Variants in PAM observed in about 807,000 individuals in gnomAD.
The protein encoded by PAM is peptidylglycine alpha-amidating monooxygenase, also known as peptidyl-glycine alpha-amidating monooxygenase.
In PAM, 72 loss-of-function variants were observed where a neutral mutation model predicts 122.1. The observed-to-expected ratio is 0.59, with a 90% CI of 0.49 to 0.72. PAM has a LOEUF of 0.72. Among genes scored for constraint, PAM ranks in the 30% least tolerant of loss-of-function variants. PAM has a pLI of 0.00. For synonymous variants in PAM, 389 were observed against 404.4 expected (o/e 0.96, Z 0.46); for missense variants, 1,106 against 1,183.7 (o/e 0.93, Z 0.96).
At chr5:103,020,018 T>A (rs1309976636) in intron 23 of PAM, among the ~76,000 whole-genome samples, 175 bp downstream of exon 23, 1 of 152,198 alleles carries the variant, frequency 6.6e-6, no homozygotes, top group East Asian at 1.9e-4. Flanking sequence ...TTCCCTTTTT[T>A]TTTGATAAAT....
intron 1 of PAM, among the ~76,000 whole-genome samples, chr5:102,785,978 A>G (rs1018038762): frequency 7.2e-5 from 11 of 152,360 alleles, no homozygotes; most frequent in Admixed American, 7.2e-4. Context: ...ATAATCTCTT[A>G]CATTGGATCA....
At chr5:102,850,036 C>T (rs1426778385) in intron 1 of PAM, among the ~76,000 whole-genome samples, 1 of 152,012 alleles carries the variant, frequency 6.6e-6, no homozygotes, top group East Asian at 1.9e-4. Context: ...ATTTGGTATG[C>T]GCCATTTTCC....
At chr5:102,900,243 ATG>A (rs1171462303) in intron 3 of PAM, among the ~76,000 whole-genome samples, 1,465 of 43,882 alleles carry the variant, frequency 0.033, 16 homozygotes, top group Non-Finnish European at 0.044. Flanking sequence ...AGGTCTCTTA[ATG>A]TGTGTGTGTG....
chr5:103,028,081 T>TAAA lies in PAM; in HGVS notation c.2690-104_2690-103insAAA. 5 of 853,706 alleles carry TAAA rather than the reference T, an allele frequency of 5.9e-6. No individual in the cohort carries two copies. In the East Asian group the frequency reaches 1.2e-4, roughly 21 times the overall value. The allele number at this position is 853,706 out of a possible 1,614,324, so 52.9% of individuals were successfully genotyped here. On this transcript the variant is annotated intron_variant, in intron 24 of 25. Coordinates refer to ENST00000438793, the MANE Select transcript of PAM (RefSeq NM_001177306.2). ...ATTGCATACAGACAAGAGCCAGGCCTTGCTTTATCATTTACCAGTTCCTAT... is the reference window on the plus strand; with the variant it reads ...ATTGCATACAGACAAGAGCCAGGCCTAAATGCTTTATCATTTACCAGTTCCTAT...
At chr5:102,768,519 G>T (rs554515302) in intron 1 of PAM, among the ~76,000 whole-genome samples, 16 of 151,668 alleles carry the variant, frequency 1.1e-4, no homozygotes, top group African/African-American at 3.6e-4. Context: ...TCTGGTAACC[G>T]TCATTCTACT....
intron 1 of PAM, among the ~76,000 whole-genome samples, chr5:102,803,077 A>C (rs2150111255): frequency 6.6e-6 from 1 of 151,714 alleles, no homozygotes; most frequent in South Asian, 2.1e-4. Context: ...GTGCTGTAAT[A>C]GTGCCATTGC....
At chr5:102,920,924 T>C (rs1225884836) in intron 5 of PAM, among the ~76,000 whole-genome samples, 3 of 152,050 alleles carry the variant, frequency 2.0e-5, no homozygotes, top group Non-Finnish European at 4.4e-5. Context: ...TCATGCTGTA[T>C]TTGGATAATT....
chr5:102,948,416 T>C lies in PAM; in HGVS notation c.614T>C (p.Val205Ala). ...GCTGGCATGTACCTTATGATGTCTG[T>C]TGACACTGTTATCCCAGCAGGAGAA... is the stretch of plus-strand genomic sequence containing the variant. ...LIAGMYLMMS[V>A]DTVIPAGEKV... The change falls in exon 9 of 26, where the codon GTT (valine) becomes GCT (alanine). Residue 205 changes from valine (V) to alanine (A), a missense_variant. By Grantham distance (64) the Val-to-Ala change is moderately conservative. Transcript: ENST00000438793. The C allele has an allele frequency of 6.3e-7, 1 of 1,588,292 alleles. No individual in the cohort carries two copies. Among genetic ancestry groups the C allele is most frequent in the Non-Finnish European group, 8.6e-7 (1 of 1,158,210 alleles).
chr5:102,996,525 G>A (rs1267672410), intron 16 of PAM, among the ~76,000 whole-genome samples: 1 of 152,100 alleles, frequency 6.6e-6, no homozygotes, highest in Non-Finnish European at 1.5e-5. Flanking sequence ...AGTTTAACAT[G>A]TGTGTTTGGA....
At chr5:103,014,421 A>G (rs1475237690) in intron 21 of PAM, among the ~76,000 whole-genome samples, 1 of 152,228 alleles carries the variant, frequency 6.6e-6, no homozygotes, top group Non-Finnish European at 1.5e-5. Flanking sequence ...TTCAGTAAAC[A>G]AGACTTGATA....
intron 5 of PAM, among the ~76,000 whole-genome samples, chr5:102,916,196 T>G (rs1275152646): frequency 2.0e-5 from 3 of 152,094 alleles, no homozygotes; most frequent in South Asian, 2.1e-4. Flanking sequence ...CTCTCTATGC[T>G]CTAAAATTCC....
chr5:103,024,798 C>T (rs891061458), intron 23 of PAM, among the ~76,000 whole-genome samples: 4 of 152,038 alleles, frequency 2.6e-5, no homozygotes, highest in African/African-American at 7.2e-5. Flanking sequence ...CCAGTATGCA[C>T]ACCAGTTCTT....
At chr5:102,884,519 T>C (rs1464801456) in intron 3 of PAM, among the ~76,000 whole-genome samples, 1 of 151,950 alleles carries the variant, frequency 6.6e-6, no homozygotes, top group Non-Finnish European at 1.5e-5. Context: ...CTGAAGATAT[T>C]TGTGGAAGGC....
intron 3 of PAM, among the ~76,000 whole-genome samples, chr5:102,886,581 T>C (rs909552540): frequency 6.6e-6 from 1 of 152,012 alleles, no homozygotes; most frequent in African/African-American, 2.4e-5. Flanking sequence ...TCTGTAAACC[T>C]ACCTGACCCT....
intron 15 of PAM, among the ~76,000 whole-genome samples, chr5:102,984,690 A>T (rs1771143927): frequency 1.3e-5 from 2 of 152,166 alleles, no homozygotes; most frequent in South Asian, 4.1e-4. Context: ...ATGTAGACAG[A>T]AAATAAACAT....
chr5:102,901,327 TTTGGA>T, intron 3 of PAM, 24 bp from the exon 4 acceptor site: 1 of 1,344,440 alleles, frequency 7.4e-7, no homozygotes, highest in South Asian at 1.2e-5. Flanking sequence ...AACAGTTTAA[TTTGGA>T]TTTTTTAATC....
In PAM at chr5:102,866,187, G is replaced by T. The variant is rs1247925937; in HGVS notation, c.-9G>T. ...GGTCCTCTCCCGGCGGGGTCGTATC[G>T]GCGTGGACATGGCTGGCCGCGTCCC... On this transcript the variant is annotated 5_prime_UTR_variant, in exon 2 of 26. Transcript: ENST00000438793. 2 of 1,606,026 alleles carry T rather than the reference G, an allele frequency of 1.2e-6. No homozygotes were observed. The highest frequency in any genetic ancestry group is 1.1e-5 in the South Asian group (1 of 90,902).
chr5:103,000,146 A>G (rs1169139703), intron 16 of PAM, among the ~76,000 whole-genome samples: 1 of 152,228 alleles, frequency 6.6e-6, no homozygotes, highest in Non-Finnish European at 1.5e-5. Flanking sequence ...TGAGCACTCA[A>G]GTTACACCTT....
At chr5:103,025,535 T>G (rs1017736920) in intron 24 of PAM, among the ~76,000 whole-genome samples, 6 of 152,166 alleles carry the variant, frequency 3.9e-5, no homozygotes, top group African/African-American at 1.4e-4. Context: ...ATCTGGAGAC[T>G]CTGAAATTTG....
Sources: allele counts gnomAD v4.1 joint callset (sites outside exome capture counted in the v4.1 genomes callset), GRCh38; gene constraint gnomAD v4.1.1; transcripts MANE v1.5; gene names NCBI Gene and HGNC (gene_info 2026-07-23, HGNC 2026-07-21).